Variants in FAF1 observed in about 807,000 individuals in gnomAD.
The protein encoded by FAF1 is Fas associated factor 1.
FAF1 carries 25 observed loss-of-function variants against 92.5 expected under a neutral mutation model. That is an observed-to-expected ratio of 0.27 (90% CI 0.20 to 0.38). The LOEUF (loss-of-function observed/expected upper bound fraction) is 0.38, where lower values mean the gene tolerates loss of function less well. Ranked by LOEUF, FAF1 falls within the 10% of genes least tolerant of loss-of-function variation. The probability of loss-of-function intolerance (pLI) is 1.00; values close to 1 mark genes in which losing one functional copy is unlikely to be tolerated. For missense variants in FAF1, 636 were observed against 793.3 expected, an observed-to-expected ratio of 0.80 and a Z score of 2.38; for synonymous variants, 234 against 273.2, an observed-to-expected ratio of 0.86 and a Z score of 1.42.
In FAF1 at chr1:50,794,289, A is replaced by G. The variant is rs188358677; in HGVS notation, c.162-6084T>C. On this transcript the variant is annotated intron_variant, in intron 3 of 18. Transcript: ENST00000396153. ...GAGGAAAAAAAAATTTGGACTGGGA[A>G]GAGAAAAAATGATTATGTAAAATAT... Among the ~76,000 whole-genome samples the G allele has an allele frequency of 1.1e-4, 17 of 152,370 alleles. No homozygotes were observed. The East Asian group carries it at 1.5e-3, about 14-fold the overall frequency.
intron 6 of FAF1, among the ~76,000 whole-genome samples, chr1:50,726,514 G>C (rs1218101832): frequency 6.6e-6 from 1 of 151,926 alleles, no homozygotes; most frequent in Non-Finnish European, 1.5e-5. Context: ...GGCTAACACG[G>C]TGAAACCCCG....
intron 2 of FAF1, among the ~76,000 whole-genome samples, chr1:50,852,183 G>C (rs1292829976): frequency 6.6e-6 from 1 of 152,198 alleles, no homozygotes; most frequent in African/African-American, 2.4e-5. Flanking sequence ...AATTTTACTA[G>C]TTAGATATCA....
chr1:50,947,405 T>C (rs1645179531), intron 1 of FAF1, among the ~76,000 whole-genome samples: 1 of 152,256 alleles, frequency 6.6e-6, no homozygotes, highest in Admixed American at 6.5e-5. Flanking sequence ...CATCTCATTC[T>C]TCCTATCTCT....
At chr1:50,618,704 A>C (rs1557438355) in intron 8 of FAF1, among the ~76,000 whole-genome samples, 1 of 151,390 alleles carries the variant, frequency 6.6e-6, no homozygotes, top group Non-Finnish European at 1.5e-5. Flanking sequence ...TGTCCTTCTT[A>C]ATTTTTACTA....
At chr1:50,732,138 G>A (rs1006843735) in intron 6 of FAF1, among the ~76,000 whole-genome samples, 4 of 151,912 alleles carry the variant, frequency 2.6e-5, no homozygotes, top group East Asian at 1.9e-4. Flanking sequence ...GCAATAGCCC[G>A]ATCTCAGCTC....
At chr1:50,488,847 T>C (rs1223602392) in intron 17 of FAF1, among the ~76,000 whole-genome samples, 2 of 152,234 alleles carry the variant, frequency 1.3e-5, no homozygotes, top group African/African-American at 4.8e-5. Context: ...AACTATTTAA[T>C]ACACAGAAGA....
In FAF1 at chr1:50,500,202, G is replaced by T. The variant is rs189740650; in HGVS notation, c.1495-8401C>A. Among the ~76,000 whole-genome samples, 6 of 151,844 alleles carry T rather than the reference G, an allele frequency of 4.0e-5. No homozygotes were observed. The East Asian group carries it at 5.8e-4, about 15-fold the overall frequency. ...TGCACAGGACCTACAATAGCCAAAA[G>T]AATTATGGATAAAAAATAAAATAAC... On this transcript the variant is annotated intron_variant, in intron 15 of 18. Coordinates refer to ENST00000396153, the MANE Select transcript of FAF1 (RefSeq NM_007051.3).
At chr1:50,619,415 A>G (rs1256796110) in intron 8 of FAF1, among the ~76,000 whole-genome samples, 2 of 152,238 alleles carry the variant, frequency 1.3e-5, no homozygotes, top group Non-Finnish European at 2.9e-5. Context: ...AGGACCTCTT[A>G]TAAGGCTGGT....
chr1:50,610,096 G>A (rs1365961846), intron 8 of FAF1, among the ~76,000 whole-genome samples: 2 of 152,158 alleles, frequency 1.3e-5, no homozygotes, highest in Non-Finnish European at 2.9e-5. Context: ...TGTGTTTGGA[G>A]AACAGATTAA....
chr1:50,862,457 G>A (rs1644443859), intron 1 of FAF1, among the ~76,000 whole-genome samples: 1 of 151,832 alleles, frequency 6.6e-6, no homozygotes, highest in South Asian at 2.1e-4. Flanking sequence ...ATAAAGATGG[G>A]ATAGTTAATG....
intron 18 of FAF1, among the ~76,000 whole-genome samples, chr1:50,447,991 T>C (rs1207041562): frequency 2.6e-5 from 4 of 152,236 alleles, no homozygotes; most frequent in Non-Finnish European, 4.4e-5. Flanking sequence ...AATTTTTGCA[T>C]TTTTAGAAGT....
intron 8 of FAF1, among the ~76,000 whole-genome samples, chr1:50,652,803 T>C (rs1166185268): frequency 6.6e-6 from 1 of 152,252 alleles, no homozygotes; most frequent in South Asian, 2.1e-4. Context: ...TTCTTGCCTG[T>C]AATTGTAATC....
intron 2 of FAF1, among the ~76,000 whole-genome samples, chr1:50,838,721 A>C (rs1470140158): frequency 6.6e-6 from 1 of 152,166 alleles, no homozygotes; most frequent in East Asian, 1.9e-4. Context: ...CTCTCAGAGA[A>C]ATAACATGCA....
At chr1:50,524,582 C>T (rs1221605363) in intron 15 of FAF1, among the ~76,000 whole-genome samples, 3 of 152,044 alleles carry the variant, frequency 2.0e-5, no homozygotes, top group Non-Finnish European at 2.9e-5. Flanking sequence ...GGAAAGAGTC[C>T]GGTTTCAATC....
At chr1:50,925,718 A>G (rs1435466093) in intron 1 of FAF1, among the ~76,000 whole-genome samples, 1 of 152,240 alleles carries the variant, frequency 6.6e-6, no homozygotes, top group Non-Finnish European at 1.5e-5. Context: ...TAGAACTACT[A>G]TATGATACAG....
At chr1:50,574,508 A>C (rs1339509221) in intron 12 of FAF1, among the ~76,000 whole-genome samples, 1 of 152,174 alleles carries the variant, frequency 6.6e-6, no homozygotes, top group Non-Finnish European at 1.5e-5. Context: ...ACTATTCTCT[A>C]TGGGGAGGGA....
At chr1:50,540,732 T>C (rs1288789491) in intron 13 of FAF1, among the ~76,000 whole-genome samples, 2 of 152,178 alleles carry the variant, frequency 1.3e-5, no homozygotes, top group African/African-American at 2.4e-5. Context: ...AAAGTAAATG[T>C]CATAATAATA....
intron 15 of FAF1, among the ~76,000 whole-genome samples, chr1:50,494,712 CA>C (rs1193801103): frequency 1.3e-5 from 2 of 152,172 alleles, no homozygotes; most frequent in African/African-American, 4.8e-5. Context: ...TGTACACTCC[CA>C]GGGGTAAAAG....
intron 4 of FAF1, among the ~76,000 whole-genome samples, chr1:50,772,584 C>T (rs966571038): frequency 3.9e-5 from 6 of 152,110 alleles, no homozygotes; most frequent in African/African-American, 1.2e-4. Flanking sequence ...TTATTCTAAA[C>T]GAACTAACAC....
Sources: gnomAD v4.1 joint callset for allele counts (sites outside exome capture counted in the v4.1 genomes callset) on GRCh38, gnomAD v4.1.1 for gene constraint, MANE v1.5 for transcripts, NCBI Gene and HGNC (gene_info 2026-07-23, HGNC 2026-07-21) for gene names.